MMGT1: variants seen among roughly 807,000 people sequenced by gnomAD.
The protein encoded by MMGT1 is ER membrane protein complex subunit 5.
MMGT1 carries 2 observed loss-of-function variants against 11.7 expected under a neutral mutation model. That is an observed-to-expected ratio of 0.17 (90% CI 0.07 to 0.54). The LOEUF (loss-of-function observed/expected upper bound fraction) is 0.54, where lower values mean the gene tolerates loss of function less well. MMGT1 is among the 20% of genes least tolerant of loss of function. MMGT1 has a pLI of 0.94. For synonymous variants in MMGT1, 49 were observed against 44.4 expected (o/e 1.10, Z -0.41); for missense variants, 74 against 109.0 (o/e 0.68, Z 1.43).
intron 3 of MMGT1, 118 bp downstream of exon 3, chrX:135,967,272 G>T: frequency 2.1e-6 from 1 of 484,223 alleles, no homozygotes; most frequent in Non-Finnish European, 3.6e-6. Flanking sequence ...TACAAACTGT[G>T]TAATCAAAAT....
intron 3 of MMGT1, among the ~76,000 whole-genome samples, chrX:135,965,388 A>G (rs1556611855): frequency 9.0e-6 from 1 of 111,296 alleles, no homozygotes; most frequent in African/African-American, 3.3e-5. Context: ...AGCAGCATAT[A>G]GCTCTCAAAT....
intron 3 of MMGT1, among the ~76,000 whole-genome samples, chrX:135,966,658 C>T (rs1254532744): frequency 9.0e-6 from 1 of 111,386 alleles, no homozygotes; most frequent in Non-Finnish European, 1.9e-5. Flanking sequence ...ATATGACTTT[C>T]CTCTAACACA....
Position 135,973,729 on chromosome X carries a change from T to C in MMGT1, c.-54A>G. On this transcript the variant is annotated 5_prime_UTR_variant, in exon 1 of 4. Coordinates refer to ENST00000305963, the MANE Select transcript of MMGT1 (RefSeq NM_173470.3). Reference sequence around the variant, plus strand: ...AGAAGCGAAGGACGGCGGAGCTGTTTCTTCTTCCACCGGCGGGTGTCCGCG... The same window carrying C: ...AGAAGCGAAGGACGGCGGAGCTGTTCCTTCTTCCACCGGCGGGTGTCCGCG... 4.3e-6 allele frequency: 5 copies of C among 1,166,752 alleles called. No individual in the cohort carries two copies. The highest frequency in any genetic ancestry group is 5.7e-6 in the Non-Finnish European group (5 of 872,913).
rs2148116540 is a variant in MMGT1, at chrX:135,963,379, C to CT, written c.*1644_*1645insA. 1 of 112,042 alleles carries CT rather than the reference C, an allele frequency of 8.9e-6. No homozygotes were observed. Among genetic ancestry groups the CT allele is most frequent in the South Asian group, 3.7e-4 (1 of 2,676 alleles). The allele number at this position is 112,042 out of a possible 1,213,427, so 9.2% of individuals were successfully genotyped here. On this transcript the variant is annotated 3_prime_UTR_variant, in exon 4 of 4. Coordinates refer to ENST00000305963, the MANE Select transcript of MMGT1 (RefSeq NM_173470.3). ...GAAGGAAACAAGAGGCTCTTCCAAA[C>CT]CAAATCGTACCAGAAGAAAACAGTA...
At chrX:135,969,528 C>T (rs970139604) in intron 2 of MMGT1, among the ~76,000 whole-genome samples, 12 of 110,818 alleles carry the variant, frequency 1.1e-4, no homozygotes, top group Admixed American at 1.9e-4. Flanking sequence ...TTAGTAGAGA[C>T]GGGGTTTCAC....
Position 135,965,029 on chromosome X carries a change from G to A in MMGT1, c.391C>T (p.Arg131Cys), listed in dbSNP as rs782380372. The A allele has an allele frequency of 1.0e-5, 12 of 1,204,545 alleles. No individual in the cohort carries two copies. In the East Asian group the frequency reaches 2.1e-4, roughly 21 times the overall value. Residue 131 changes from arginine (R) to cysteine (C), a missense_variant, in exon 4 of 4, where the codon CGT (arginine) becomes TGT (cysteine). This residue lies in a region of MMGT1 where 34 missense variants were observed against 29.3 expected (regional missense o/e 1.16). Transcript: ENST00000305963. Reference sequence around the variant, plus strand: ...TATTATAATTTGTAAAAATCTTAACGACGCAGTGATTCGAGTTTTCGTAAC... The same window carrying A: ...TATTATAATTTGTAAAAATCTTAACAACGCAGTGATTCGAGTTTTCGTAAC... ...LKLRKLESLRR is the reference protein window; with the variant it reads ...LKLRKLESLRC
intron 2 of MMGT1, among the ~76,000 whole-genome samples, chrX:135,970,067 TA>T (rs1556612446): frequency 8.9e-6 from 1 of 112,074 alleles, no homozygotes; most frequent in Non-Finnish European, 1.9e-5. Context: ...ATTTTAGTTT[TA>T]AAAAACACTT....
At position 135,961,594 on chromosome X, in the gene MMGT1, T is replaced by C. The variant is rs1366377147; in HGVS notation, c.*3430A>G. ...CAGGTTATTTTGAGATATTCCTAGGTAGGTTTGAATACCGGTGGTGTTATT... is the reference window on the plus strand; with the variant it reads ...CAGGTTATTTTGAGATATTCCTAGGCAGGTTTGAATACCGGTGGTGTTATT... On this transcript the variant is annotated 3_prime_UTR_variant, in exon 4 of 4. Transcript: ENST00000305963. 2.7e-5 allele frequency among the ~76,000 whole-genome samples: 3 copies of C among 111,603 alleles called. No homozygotes were observed. The highest frequency in any genetic ancestry group is 5.7e-5 in the Non-Finnish European group (3 of 53,092).
chrX:135,968,759 A>G (rs986516819), intron 2 of MMGT1, among the ~76,000 whole-genome samples: 2 of 110,789 alleles, frequency 1.8e-5, no homozygotes, highest in Admixed American at 1.9e-4. Context: ...TCAAATTCTG[A>G]CCTCAGGTGA....
At chrX:135,969,138 A>ATG (rs781886844) in intron 2 of MMGT1, among the ~76,000 whole-genome samples, 249 of 35,624 alleles carry the variant, frequency 7.0e-3, no homozygotes, top group South Asian at 0.012. Flanking sequence ...AGACATAAAT[A>ATG]TGTGTATGTG....
rs3747460 is a variant in MMGT1 at position 135,973,974 on chromosome X, C to T, written c.-299G>A. ...AACGAAGAGGCGAAAGCGGGAGCTA[C>T]GGGGAAGCGAAGAGGAAGGGCGCCG... On this transcript the variant is annotated 5_prime_UTR_variant, in exon 1 of 4. Transcript: ENST00000305963. 0.034 allele frequency: 34,533 copies of T among 1,008,855 alleles called. 463 individuals are homozygous for T. The highest frequency in any genetic ancestry group is 0.1 in the South Asian group (5,086 of 48,916). 83.1% of individuals were successfully genotyped at this position (1,008,855 alleles called of 1,213,427 possible). A position where few individuals can be genotyped will look rare whatever the true frequency, so the allele number is the denominator to read the frequency against.
chrX:135,966,391 C>T (rs1166246177), intron 3 of MMGT1, among the ~76,000 whole-genome samples: 7 of 111,751 alleles, frequency 6.3e-5, no homozygotes, highest in African/African-American at 2.0e-4. Context: ...GTCAGGAGTT[C>T]GAGACCATCC....
Position 135,966,901 on chromosome X carries a change from A to G in MMGT1, c.236+489T>C, listed in dbSNP as rs186592983. Among the ~76,000 whole-genome samples, 523 of 111,678 alleles carry G rather than the reference A, an allele frequency of 4.7e-3. 2 individuals carry two copies. Among genetic ancestry groups the G allele is most frequent in the Non-Finnish European group, 6.3e-3 (336 of 53,112 alleles). ...ATATACTTTTAATCCAGTAGTAGAA[A>G]AGGGCCTGGGAGCAGAGCTTATCTC... On this transcript the variant is annotated intron_variant, in intron 3 of 3. Transcript: ENST00000305963.
intron 2 of MMGT1, 50 bp downstream of exon 2, chrX:135,971,008 T>C (rs1556612545): frequency 1.1e-6 from 1 of 873,356 alleles, no homozygotes; most frequent in Non-Finnish European, 1.7e-6. Flanking sequence ...TTACAAGCTA[T>C]GTGGCTGATT....
At chrX:135,967,600 C>T (rs1278315879) in intron 2 of MMGT1, 107 bp from the exon 3 acceptor site, 1 of 418,722 alleles carries the variant, frequency 2.4e-6, no homozygotes, top group Non-Finnish European at 4.1e-6. Flanking sequence ...CCTCTCAGGG[C>T]CACCATCAGG....
rs781883993 is a variant in MMGT1 at position 135,963,610 on chromosome X, A to G, written c.*1414T>C. 23 of 112,376 alleles carry G rather than the reference A, an allele frequency of 2.0e-4. No individual in the cohort carries two copies. Among genetic ancestry groups the G allele is most frequent in the African/African-American group, 6.8e-4 (21 of 30,920 alleles). The allele number at this position is 112,376 out of a possible 1,213,427, so 9.3% of individuals were successfully genotyped here. On this transcript the variant is annotated 3_prime_UTR_variant, in exon 4 of 4. Transcript: ENST00000305963. Reference sequence around the variant, plus strand: ...AAAACTAAACAACAATAAAAACCCAATGAAAAATAATCTCATGCTTTGGGG... The same window carrying G: ...AAAACTAAACAACAATAAAAACCCAGTGAAAAATAATCTCATGCTTTGGGG...
intron 1 of MMGT1, among the ~76,000 whole-genome samples, chrX:135,972,706 C>A (rs1556612681): frequency 8.9e-6 from 1 of 111,869 alleles, no homozygotes; most frequent in Non-Finnish European, 1.9e-5. Context: ...CAAACTAATG[C>A]GCATACAAAT....
rs2089149546 is a variant in MMGT1, at chrX:135,960,627, G to A, written c.*4397C>T. 9.0e-6 allele frequency among the ~76,000 whole-genome samples: 1 copy of A among 111,097 alleles called. No individual in the cohort carries two copies. The highest frequency in any genetic ancestry group is 2.8e-4 in the East Asian group (1 of 3,574). On this transcript the variant is annotated 3_prime_UTR_variant, in exon 4 of 4. Coordinates refer to ENST00000305963, the MANE Select transcript of MMGT1 (RefSeq NM_173470.3). ...ATTAAATTTATTCTTAAATGCAAAG[G>A]TGGCCTTTCTAAGCAAGGCAAAATC...
intron 1 of MMGT1, among the ~76,000 whole-genome samples, chrX:135,973,247 G>C (rs2089230736): frequency 9.0e-6 from 1 of 111,672 alleles, no homozygotes; most frequent in Non-Finnish European, 1.9e-5. Flanking sequence ...TGTCCACTTG[G>C]TTGTCGTGGG....
Sources: allele counts gnomAD v4.1 joint callset (sites outside exome capture counted in the v4.1 genomes callset), GRCh38; gene constraint gnomAD v4.1.1; regional missense constraint gnomAD v4.1.1; transcripts MANE v1.5; gene names NCBI Gene and HGNC (gene_info 2026-07-23, HGNC 2026-07-21).